The following FBXL20 variants were observed in gnomAD, a reference collection of about 807,000 sequenced individuals.
FBXL20 encodes the protein F-box and leucine rich repeat protein 20, also known as F-box/LRR-repeat protein 20.
A neutral mutation model predicts 64.0 loss-of-function variants in FBXL20; 11 were observed. That is an observed-to-expected ratio of 0.17 (90% CI 0.11 to 0.28). FBXL20 has a LOEUF of 0.28. Among genes scored for constraint, FBXL20 ranks in the 10% least tolerant of loss-of-function variants. FBXL20 has a pLI of 1.00. For missense variants in FBXL20, 303 were observed against 526.2 expected, an observed-to-expected ratio of 0.58 and a Z score of 4.15; for synonymous variants, 184 against 189.0, an observed-to-expected ratio of 0.97 and a Z score of 0.22.
intron 2 of FBXL20, among the ~76,000 whole-genome samples, chr17:39,333,320 A>G (rs2047482369): frequency 6.6e-6 from 1 of 151,934 alleles, no homozygotes; most frequent in African/African-American, 2.4e-5. Flanking sequence ...TGGTTTTCGT[A>G]TTTTTTGGTG....
At chr17:39,284,357 G>T (rs2046971615) in intron 7 of FBXL20, among the ~76,000 whole-genome samples, 1 of 152,154 alleles carries the variant, frequency 6.6e-6, no homozygotes, top group Non-Finnish European at 1.5e-5. Context: ...CCACATTTTA[G>T]ATTATTTATA....
At chr17:39,282,990 T>TA in intron 7 of FBXL20, 135 bp from the exon 8 acceptor site, 2 of 938,332 alleles carry the variant, frequency 2.1e-6, no homozygotes, top group Non-Finnish European at 3.2e-6. Context: ...CATATTTACC[T>TA]AATGTATATT....
At chr17:39,383,984 A>T (rs913367893) in intron 1 of FBXL20, among the ~76,000 whole-genome samples, 13 of 152,100 alleles carry the variant, frequency 8.5e-5, no homozygotes, top group Admixed American at 2.0e-4. Flanking sequence ...CCATAATCCT[A>T]GCATTTTGGG....
intron 1 of FBXL20, among the ~76,000 whole-genome samples, chr17:39,373,744 G>T (rs545990005): frequency 3.4e-4 from 52 of 152,140 alleles, no homozygotes; most frequent in African/African-American, 1.2e-3. Flanking sequence ...TGTAGTTTCC[G>T]GAAAGTAGAT....
intron 6 of FBXL20, among the ~76,000 whole-genome samples, chr17:39,293,638 A>G (rs1021173451): frequency 2.0e-5 from 3 of 152,192 alleles, no homozygotes; most frequent in Admixed American, 2.0e-4. Context: ...CCAGGTGTTC[A>G]ATGAATTTTC....
In FBXL20 at chr17:39,264,070, A is replaced by C. The variant is rs985960357; in HGVS notation, c.1203+105T>G. On this transcript the variant is annotated intron_variant, in intron 14 of 14. Coordinates refer to ENST00000264658, the MANE Select transcript of FBXL20 (RefSeq NM_032875.3). ...TTCTCTTTCCCTTGTTAAATGTTCA[A>C]GTAAATATAAAAATCATAGGAACCT... 4 of 1,227,848 alleles carry C rather than the reference A, an allele frequency of 3.3e-6. No homozygotes were observed. In the African/African-American group the frequency reaches 4.6e-5, roughly 14 times the overall value. 76.1% of individuals were successfully genotyped at this position (1,227,848 alleles called of 1,614,324 possible). A position where few individuals can be genotyped will look rare whatever the true frequency, so the allele number is the denominator to read the frequency against.
chr17:39,299,753 A>G (rs919174981), intron 4 of FBXL20, among the ~76,000 whole-genome samples: 8 of 151,872 alleles, frequency 5.3e-5, no homozygotes, highest in African/African-American at 1.9e-4. Flanking sequence ...ACTGCACTCC[A>G]GCCTGGGCGA....
At chr17:39,402,497 C>A (rs887483135), upstream of FBXL20, 1 of 285,196 alleles carries the variant, frequency 3.5e-6, no homozygotes, top group Non-Finnish European at 6.5e-6. Flanking sequence ...GGGTGCAGGG[C>A]TGGAGCCGGG....
At chr17:39,312,965 C>A (rs1391089085) in intron 2 of FBXL20, among the ~76,000 whole-genome samples, 1 of 143,104 alleles carries the variant, frequency 7.0e-6, no homozygotes. Context: ...GTTGCCCAGA[C>A]TGGACTGCAG....
At chr17:39,352,716 G>A (rs1268279875) in intron 1 of FBXL20, among the ~76,000 whole-genome samples, 1 of 150,844 alleles carries the variant, frequency 6.6e-6, no homozygotes, top group Non-Finnish European at 1.5e-5. Flanking sequence ...GAAAAAAAAG[G>A]AAAGAAATAC....
chr17:39,273,670 A>T (rs900898938), intron 10 of FBXL20, among the ~76,000 whole-genome samples: 2 of 151,596 alleles, frequency 1.3e-5, no homozygotes, highest in Non-Finnish European at 2.9e-5. Context: ...AAATACAAAA[A>T]TTAGCTGGGT....
At chr17:39,372,268 C>A (rs1242191548) in intron 1 of FBXL20, among the ~76,000 whole-genome samples, 1 of 151,898 alleles carries the variant, frequency 6.6e-6, no homozygotes, top group Admixed American at 6.6e-5. Context: ...CTCCTGTAAT[C>A]CCAGCACTTT....
intron 6 of FBXL20, among the ~76,000 whole-genome samples, chr17:39,291,228 G>C (rs564825121): frequency 1.3e-5 from 2 of 152,030 alleles, no homozygotes; most frequent in Non-Finnish European, 2.9e-5. Context: ...CCAAAGTGCT[G>C]GGATTACAGG....
intron 1 of FBXL20, among the ~76,000 whole-genome samples, chr17:39,345,097 T>C (rs538979578): frequency 2.6e-5 from 4 of 152,134 alleles, no homozygotes; most frequent in Non-Finnish European, 2.9e-5. Context: ...CTGAGAGAAA[T>C]ACGTTCCGTC....
intron 4 of FBXL20, among the ~76,000 whole-genome samples, chr17:39,299,684 G>T (rs535607277): frequency 6.6e-6 from 1 of 152,192 alleles, no homozygotes; most frequent in Non-Finnish European, 1.5e-5. Context: ...GGGAGGCTGA[G>T]GCAGGAGAAT....
chr17:39,315,781 C>A (rs1285691466), intron 2 of FBXL20, among the ~76,000 whole-genome samples: 1 of 147,656 alleles, frequency 6.8e-6, no homozygotes, highest in Non-Finnish European at 1.5e-5. Flanking sequence ...AGTGCCCAAA[C>A]CCAATGAAGT....
chr17:39,377,868 T>C (rs1448848424), intron 1 of FBXL20, among the ~76,000 whole-genome samples: 3 of 152,154 alleles, frequency 2.0e-5, no homozygotes, highest in African/African-American at 7.2e-5. Flanking sequence ...CTTGAGCAGT[T>C]ACAGCATGCT....
upstream of FBXL20, chr17:39,402,263 TGCCGCCGC>T: frequency 4.6e-6 from 5 of 1,079,746 alleles, no homozygotes; most frequent in Non-Finnish European, 5.5e-6. Flanking sequence ...GCAGTGCGGC[TGCCGCCGC>T]GCCTCCGCGG....
At chr17:39,278,440 A>C (rs1052481435) in intron 9 of FBXL20, among the ~76,000 whole-genome samples, 4 of 150,800 alleles carry the variant, frequency 2.7e-5, no homozygotes, top group Non-Finnish European at 5.9e-5. Flanking sequence ...GCGTGTGTGC[A>C]CACATACACA....
Sources: gnomAD v4.1 joint callset for allele counts (sites outside exome capture counted in the v4.1 genomes callset) on GRCh38, gnomAD v4.1.1 for gene constraint, MANE v1.5 for transcripts, NCBI Gene and HGNC (gene_info 2026-07-23, HGNC 2026-07-21) for gene names.